ADAP1: variants seen among roughly 807,000 people sequenced by gnomAD.
ADAP1 encodes the protein ArfGAP with dual PH domains 1, also known as arf-GAP with dual PH domain-containing protein 1.
In ADAP1, 31 loss-of-function variants were observed where a neutral mutation model predicts 54.9. That is an observed-to-expected ratio of 0.56 (90% CI 0.42 to 0.76). The LOEUF is 0.76. Ranked by LOEUF, ADAP1 falls within the 30% of genes least tolerant of loss-of-function variation. ADAP1 has a pLI of 0.00. For synonymous variants in ADAP1, 313 were observed against 202.6 expected, an observed-to-expected ratio of 1.55 and a Z score of -4.63; for missense variants, 535 against 512.4, an observed-to-expected ratio of 1.04 and a Z score of -0.42.
intron 4 of ADAP1, among the ~76,000 whole-genome samples, chr7:906,693 ACATGGACATG>A (rs1845419620): frequency 1.9e-5 from 1 of 52,280 alleles, no homozygotes; most frequent in Admixed American, 2.0e-4. Flanking sequence ...GACACGGGGG[ACATGGACATG>A]GGGGACGGGA....
chr7:899,856 G>C (rs567398474), intron 8 of ADAP1, among the ~76,000 whole-genome samples: 1 of 152,274 alleles, frequency 6.6e-6, no homozygotes, highest in African/African-American at 2.4e-5. Context: ...CCCTGGCCGC[G>C]CAGGTGCACG....
intron 2 of ADAP1, chr7:927,520 G>C: frequency 2.1e-6 from 1 of 470,358 alleles, no homozygotes; most frequent in Non-Finnish European, 4.4e-6. Context: ...GCCAGGCCCA[G>C]CCAGACTGAA....
chr7:947,247 G>A (rs1847164501), intron 1 of ADAP1, among the ~76,000 whole-genome samples: 3 of 146,704 alleles, frequency 2.0e-5, no homozygotes, highest in Admixed American at 2.0e-4. Flanking sequence ...TTAGAGATGG[G>A]GGTCTCACCA....
rs138744439 is a variant in ADAP1 at position 906,806 on chromosome 7, G to GGGGGGACATGGGTGACACGGGGGACAT, written c.389-1635_389-1634insATGTCCCCCGTGTCACCCATGTCCCCC. 4.5e-5 allele frequency among the ~76,000 whole-genome samples: 2 copies of GGGGGGACATGGGTGACACGGGGGACAT among 44,398 alleles called. 1 individual carries two copies. Among genetic ancestry groups the GGGGGGACATGGGTGACACGGGGGACAT allele is most frequent in the African/African-American group, 1.8e-4 (2 of 10,960 alleles). 29.1% of individuals were successfully genotyped at this position (44,398 alleles called of 152,430 possible). ...ACACGGGGGACGGGACAGGGGACAT[G>GGGGGGACATGGGTGACACGGGGGACAT]GGGGGACATGGGTCAGATGGTGATG... On this transcript the variant is annotated intron_variant, in intron 4 of 10. Coordinates refer to ENST00000265846, the MANE Select transcript of ADAP1 (RefSeq NM_006869.4).
chr7:918,907 AAGC>A (rs1467665248), intron 4 of ADAP1, among the ~76,000 whole-genome samples: 1 of 141,412 alleles, frequency 7.1e-6, no homozygotes, highest in African/African-American at 2.7e-5. Flanking sequence ...ATGCCAGGAG[AAGC>A]AGGAGTTGGG....
rs1367211908 is a variant in ADAP1, at chr7:920,843, A to G, written c.306-793T>C. ...CCCACACACAGGCCCGGCACGGCCC[A>G]GGTGCACAGGCAGCCGCCCCAGCCT... is the stretch of plus-strand genomic sequence containing the variant. On this transcript the variant is annotated intron_variant, in intron 3 of 10. Coordinates refer to ENST00000265846, the MANE Select transcript of ADAP1 (RefSeq NM_006869.4). This position sits in a 1 kb window ranked among gnomAD's most constrained non-coding sequence, Gnocchi z 4.5. The G allele has an allele frequency of 3.2e-6, 5 of 1,550,158 alleles. No homozygotes were observed. In the Admixed American group the frequency reaches 5.9e-5, roughly 18 times the overall value.
chr7:911,641 C>T (rs1238339650), intron 4 of ADAP1, among the ~76,000 whole-genome samples: 1 of 23,024 alleles, frequency 4.3e-5, no homozygotes, highest in Non-Finnish European at 9.6e-5. Context: ...GGGGGTCCCA[C>T]GGAGGGCCAG....
At chr7:940,722 T>A (rs929760692) in intron 1 of ADAP1, among the ~76,000 whole-genome samples, 1 of 152,172 alleles carries the variant, frequency 6.6e-6, no homozygotes, top group African/African-American at 2.4e-5. Flanking sequence ...AATCAAAATG[T>A]AGGTCCATAA....
At chr7:911,905 C>G (rs1255741972) in intron 4 of ADAP1, among the ~76,000 whole-genome samples, 2 of 152,172 alleles carry the variant, frequency 1.3e-5, no homozygotes, top group African/African-American at 2.4e-5. Context: ...CACCCGTCCC[C>G]CCGAGGGGCA....
intron 2 of ADAP1, among the ~76,000 whole-genome samples, chr7:934,775 C>T (rs957993456): frequency 2.0e-5 from 3 of 152,186 alleles, no homozygotes; most frequent in Non-Finnish European, 2.9e-5. Context: ...CCCATAGGGG[C>T]GTCTCTAGGG....
chr7:921,920 C>T (rs2128105498), intron 3 of ADAP1, among the ~76,000 whole-genome samples: 1 of 152,284 alleles, frequency 6.6e-6, no homozygotes, highest in East Asian at 1.9e-4. Context: ...GCAGCCCTGC[C>T]CTGGTGCAGA....
At chr7:937,123 GACCTCT>G (rs1846788549) in intron 1 of ADAP1, among the ~76,000 whole-genome samples, 1 of 105,098 alleles carries the variant, frequency 9.5e-6, no homozygotes, top group Non-Finnish European at 2.0e-5. Context: ...GGTCACGCCC[GACCTCT>G]GGGATTTGGG....
chr7:934,823 CATGCCAAGT>C (rs1846697842), intron 2 of ADAP1, among the ~76,000 whole-genome samples: 1 of 152,184 alleles, frequency 6.6e-6, no homozygotes, highest in Non-Finnish European at 1.5e-5. Context: ...CCTGCCTGGC[CATGCCAAGT>C]GCTCCGTGAA....
intron 3 of ADAP1, among the ~76,000 whole-genome samples, chr7:923,946 C>A (rs765422259): frequency 1.1e-4 from 16 of 152,066 alleles, no homozygotes; most frequent in Non-Finnish European, 2.1e-4. Flanking sequence ...GCCCACCTCG[C>A]CAGGCTGGAC....
At chr7:902,444 G>T (rs111493932) in intron 6 of ADAP1, among the ~76,000 whole-genome samples, 1,600 of 91,076 alleles carry the variant, frequency 0.018, 112 homozygotes, top group East Asian at 0.054. Context: ...GGTGACAAGG[G>T]CGAAACTCTG....
At chr7:955,107 G>A (rs189130543), upstream of ADAP1, among the ~76,000 whole-genome samples, 250 of 152,220 alleles carry the variant, frequency 1.6e-3, no homozygotes, top group African/African-American at 5.2e-3. Context: ...GGTGACAAAC[G>A]CCAGCGTCCC....
At chr7:935,035 CT>C in intron 2 of ADAP1, 1 of 448,638 alleles carries the variant, frequency 2.2e-6, no homozygotes, top group Non-Finnish European at 4.4e-6. Context: ...GACAGGGTCT[CT>C]TTTACCCTGA....
At chr7:906,711 GGACA>G (rs1845431314) in intron 4 of ADAP1, among the ~76,000 whole-genome samples, 19 of 29,416 alleles carry the variant, frequency 6.5e-4, no homozygotes, top group Admixed American at 6.1e-3. Flanking sequence ...ATGGGGGACG[GGACA>G]TCGGGGACGG....
At chr7:935,143 A>C (rs1230220856) in intron 2 of ADAP1, 3 of 677,988 alleles carry the variant, frequency 4.4e-6, no homozygotes, top group Non-Finnish European at 8.2e-6. Context: ...CCCACCACAC[A>C]CACCTGGAGC....
Sources: allele counts gnomAD v4.1 joint callset (sites outside exome capture counted in the v4.1 genomes callset), GRCh38; gene constraint gnomAD v4.1.1; non-coding constraint Gnocchi (gnomAD v3.1); transcripts MANE v1.5; gene names NCBI Gene and HGNC (gene_info 2026-07-23, HGNC 2026-07-21).